Variants in MIPEP observed in about 807,000 individuals in gnomAD.
The protein encoded by MIPEP is mitochondrial intermediate peptidase.
In MIPEP, 79 loss-of-function variants were observed where a neutral mutation model predicts 90.3. That is an observed-to-expected ratio of 0.87 (90% confidence interval 0.73 to 1.05). The LOEUF (loss-of-function observed/expected upper bound fraction) is 1.05, where lower values mean the gene tolerates loss of function less well. Among genes scored for constraint, MIPEP ranks in the 50% least tolerant of loss-of-function variants. The probability of loss-of-function intolerance (pLI) is 0.00; values close to 1 mark genes in which losing one functional copy is unlikely to be tolerated. For synonymous variants in MIPEP, 334 were observed against 315.8 expected (o/e 1.06, Z -0.61); for missense variants, 940 against 905.6 (o/e 1.04, Z -0.49).
At chr13:23,885,166 T>C (rs1219439587) in intron 2 of MIPEP, among the ~76,000 whole-genome samples, 3 of 152,212 alleles carry the variant, frequency 2.0e-5, no homozygotes, top group Non-Finnish European at 2.9e-5. Flanking sequence ...TGGATGGTCA[T>C]TATGTTTAGT....
chr13:23,825,372 A>C (rs1469465365), intron 14 of MIPEP, among the ~76,000 whole-genome samples: 3 of 152,224 alleles, frequency 2.0e-5, no homozygotes, highest in African/African-American at 7.2e-5. Flanking sequence ...GATTTATTAC[A>C]AGTATGTATG....
intron 8 of MIPEP, among the ~76,000 whole-genome samples, chr13:23,862,963 T>A (rs999750979): frequency 6.6e-6 from 1 of 152,204 alleles, no homozygotes; most frequent in Non-Finnish European, 1.5e-5. Flanking sequence ...AATAAGTGCA[T>A]AACTAACCCT....
chr13:23,747,605 A>AT (rs759666423), intron 18 of MIPEP: 4 of 482,794 alleles, frequency 8.3e-6, no homozygotes, highest in African/African-American at 4.0e-5. Context: ...ATGGCTATAT[A>AT]TTTTTTTTCT....
chr13:23,758,399 C>T (rs1172047), intron 17 of MIPEP, among the ~76,000 whole-genome samples: 122,189 of 152,204 alleles, frequency 0.8, 49,159 homozygotes, highest in Middle Eastern at 0.84. Context: ...CTTACTTTAA[C>T]ATGCCCATAA....
Position 23,869,284 on chromosome 13 carries a change from AG to A in MIPEP, c.943+7del, listed in dbSNP as rs761971172. The A allele has an allele frequency of 6.4e-7, 1 of 1,567,916 alleles. No homozygotes were observed. The highest frequency in any genetic ancestry group is 1.2e-5 in the South Asian group (1 of 83,222). ...TTTTGCCCTTAAATGTTGGATAAAC[AG>A]GCTTACCTGGATTTTTAGCTATCGT... On this transcript the variant is annotated splice_region_variant and intron_variant, in intron 7 of 18. Coordinates refer to ENST00000382172, the MANE Select transcript of MIPEP (RefSeq NM_005932.4).
rs1870683242 is a variant in MIPEP, at chr13:23,869,386, T to C, written c.849A>G (p.Glu283=). ...YPNAGQLKCL[E]ELLSSRDLLA... ...GAAGATCTCTGCTGCTGAGCAATTC[T>C]TCTAAACATTTCAATTGACCAGCAT... is the stretch of plus-strand genomic sequence containing the variant. The change falls in exon 7 of 19, where the codon GAA becomes GAG. Residue 283 remains glutamate, a synonymous_variant. Coordinates refer to ENST00000382172, the MANE Select transcript of MIPEP (RefSeq NM_005932.4). The C allele has an allele frequency of 3.1e-6, 5 of 1,613,248 alleles. No individual in the cohort carries two copies. In the South Asian group the frequency reaches 4.4e-5, roughly 14 times the overall value.
At position 23,858,862 on chromosome 13, in the gene MIPEP, T is replaced by C. The variant is rs772680532; in HGVS notation, c.1104A>G (p.Glu368=). 1.9e-6 allele frequency: 3 copies of C among 1,613,486 alleles called. No homozygotes were observed. Among genetic ancestry groups the C allele is most frequent in the Admixed American group, 1.7e-5 (1 of 59,988 alleles). The change falls in exon 10 of 19, where the codon GAA becomes GAG. Residue 368 remains glutamate, a splice_region_variant and synonymous_variant. Coordinates refer to ENST00000382172, the MANE Select transcript of MIPEP (RefSeq NM_005932.4). ...PPYYSGVIRA[E]RYNIEPSLYC... ...CGGGTATTTCTTGAAAAACTTACCT[T>C]TCTGCACGAATCACACCACTGTAGT...
At chr13:23,834,357 T>C (rs1049856614) in intron 14 of MIPEP, among the ~76,000 whole-genome samples, 1 of 152,198 alleles carries the variant, frequency 6.6e-6, no homozygotes, top group Non-Finnish European at 1.5e-5. Flanking sequence ...CCTCAGCCTT[T>C]AGCTCCCAGC....
chr13:23,755,280 T>C lies in MIPEP; in HGVS notation c.2044+1265A>G, dbSNP rs74653688. ...CTTTCACTACTTCACCTCTGGCACA[T>C]GGAATCATGTCTGGCACATAATTAG... On this transcript the variant is annotated intron_variant, in intron 18 of 18. Coordinates refer to ENST00000382172, the MANE Select transcript of MIPEP (RefSeq NM_005932.4). Among the ~76,000 whole-genome samples, 973 of 152,350 alleles carry C rather than the reference T, an allele frequency of 6.4e-3. 5 individuals are homozygous for C. Among genetic ancestry groups the C allele is most frequent in the Non-Finnish European group, 0.012 (807 of 68,038 alleles).
At chr13:23,781,001 G>C (rs1395507797) in intron 16 of MIPEP, among the ~76,000 whole-genome samples, 1 of 152,196 alleles carries the variant, frequency 6.6e-6, no homozygotes, top group South Asian at 2.1e-4. Flanking sequence ...AAGTGACGGG[G>C]AGAATGGAAC....
intron 10 of MIPEP, 113 bp downstream of exon 10, chr13:23,858,747 G>T (rs892559950): frequency 2.4e-6 from 2 of 818,278 alleles, no homozygotes; most frequent in African/African-American, 3.4e-5. Context: ...CAGAAAGAAT[G>T]GTGTCAGGGG....
intron 16 of MIPEP, among the ~76,000 whole-genome samples, chr13:23,784,303 G>C (rs1952812237): frequency 6.6e-6 from 1 of 152,046 alleles, no homozygotes; most frequent in Non-Finnish European, 1.5e-5. Flanking sequence ...TAGACCAATG[G>C]AACAGAACAG....
Position 23,784,297 on chromosome 13 carries a change from C to T in MIPEP, c.1848+21653G>A, listed in dbSNP as rs1301624213. Among the ~76,000 whole-genome samples the T allele has an allele frequency of 7.2e-5, 11 of 152,050 alleles. No individual in the cohort carries two copies. The South Asian group carries it at 2.3e-3, about 32-fold the overall frequency. On this transcript the variant is annotated intron_variant, in intron 16 of 18. Coordinates refer to ENST00000382172, the MANE Select transcript of MIPEP (RefSeq NM_005932.4). ...ACTGGTACCAAAACAGAGATATAGA[C>T]CAATGGAACAGAACAGAGCCCTCAG...
At chr13:23,771,530 T>TACACACAC (rs3077653) in intron 16 of MIPEP, among the ~76,000 whole-genome samples, 2,222 of 146,026 alleles carry the variant, frequency 0.015, 33 homozygotes, top group African/African-American at 0.03. Context: ...ATTTGCTGAC[T>TACACACAC]ACACACACAC....
At chr13:23,841,185 T>C (rs780963600) in intron 11 of MIPEP, 150 bp downstream of exon 11, 17 of 648,682 alleles carry the variant, frequency 2.6e-5, no homozygotes, top group Non-Finnish European at 4.0e-5. Context: ...AAATCAGAAG[T>C]GCAATTTGGA....
At chr13:23,815,807 A>G (rs1953227130) in intron 14 of MIPEP, among the ~76,000 whole-genome samples, 1 of 152,226 alleles carries the variant, frequency 6.6e-6, no homozygotes, top group Non-Finnish European at 1.5e-5. Flanking sequence ...TATCTGCCAT[A>G]AAACTTGGTC....
At chr13:23,823,063 G>A (rs1298710013) in intron 14 of MIPEP, among the ~76,000 whole-genome samples, 2 of 152,028 alleles carry the variant, frequency 1.3e-5, no homozygotes, top group African/African-American at 2.4e-5. Context: ...AGGTGATTGT[G>A]TGTTGAAGTT....
Position 23,857,257 on chromosome 13 carries a change from G to A in MIPEP, c.1106+1603C>T, listed in dbSNP as rs543556444. ...TAAAACAAATATATTCTAAACCCTC[G>A]TTGTTTACCATAACCAAATTATTAT... On this transcript the variant is annotated intron_variant, in intron 10 of 18. Transcript: ENST00000382172. Among the ~76,000 whole-genome samples, 3 of 152,126 alleles carry A rather than the reference G, an allele frequency of 2.0e-5. No individual in the cohort carries two copies. The East Asian group carries it at 5.8e-4, about 29-fold the overall frequency.
chr13:23,831,130 G>A (rs1340827693), intron 14 of MIPEP, among the ~76,000 whole-genome samples: 2 of 152,044 alleles, frequency 1.3e-5, no homozygotes, highest in South Asian at 2.1e-4. Flanking sequence ...ACACATCTGG[G>A]GAAAATTCAG....
Sources: gnomAD v4.1 joint callset for allele counts (sites outside exome capture counted in the v4.1 genomes callset) on GRCh38, gnomAD v4.1.1 for gene constraint, MANE v1.5 for transcripts, NCBI Gene and HGNC (gene_info 2026-07-23, HGNC 2026-07-21) for gene names.